Variants in GSTA5 observed in about 807,000 individuals in gnomAD.
GSTA5 encodes glutathione S-transferase A5.
Under a neutral mutation model 21.8 loss-of-function variants are expected in GSTA5, and 25 were observed. The ratio of observed to expected loss-of-function variants is 1.14; its 90% confidence interval spans 0.83 to 1.60. The LOEUF (loss-of-function observed/expected upper bound fraction) is 1.60. GSTA5 is among the 40% of genes most tolerant of loss of function. GSTA5 has a pLI of 0.00. For synonymous variants in GSTA5, 102 were observed against 89.5 expected (o/e 1.14, Z -0.78); for missense variants, 330 against 259.2 (o/e 1.27, Z -1.88).
At chr6:52,838,333 G>A (rs1158135737) in intron 1 of GSTA5, among the ~76,000 whole-genome samples, 1 of 152,204 alleles carries the variant, frequency 6.6e-6, no homozygotes. Context: ...GTCTGAGTAT[G>A]CTAATCTATG....
chr6:52,840,357 T>C (rs1385863949), intron 1 of GSTA5, among the ~76,000 whole-genome samples: 4 of 152,220 alleles, frequency 2.6e-5, no homozygotes, highest in Admixed American at 1.3e-4. Flanking sequence ...ACATAAACTG[T>C]TCTAAAGATA....
At position 52,837,705 on chromosome 6, in the gene GSTA5, A is replaced by G. The variant is rs987969833; in HGVS notation, c.88-96T>C. 3.4e-6 allele frequency: 3 copies of G among 889,542 alleles called. No homozygotes were observed. In the African/African-American group the frequency reaches 5.0e-5, roughly 15 times the overall value. 55.1% of individuals were successfully genotyped at this position (889,542 alleles called of 1,614,324 possible). ...CTATCTGGTGCATGATTTGGAGAAT[A>G]TAAGATTTCTGAGTTTCGCAGGATA... On this transcript the variant is annotated intron_variant, in intron 1 of 5. Transcript: ENST00000370989.
At chr6:52,840,606 A>T in intron 1 of GSTA5, 121 bp downstream of exon 1, 1 of 911,054 alleles carries the variant, frequency 1.1e-6, no homozygotes, top group Non-Finnish European at 1.7e-6. Flanking sequence ...TTTCTTAATT[A>T]CAGTCCATTT....
At chr6:52,845,026 A>G (rs1370093280), upstream of GSTA5, among the ~76,000 whole-genome samples, 1 of 152,092 alleles carries the variant, frequency 6.6e-6, no homozygotes, top group East Asian at 1.9e-4. Context: ...ATCTATCCAT[A>G]TCTCTAGATC....
chr6:52,832,727 A>C (rs1405854271), intron 5 of GSTA5, 132 bp downstream of exon 5: 2 of 1,447,614 alleles, frequency 1.4e-6, no homozygotes, highest in Non-Finnish European at 9.5e-7. Flanking sequence ...CTGGAAGCTC[A>C]TTTTGGAGAC....
chr6:52,840,258 C>T lies in GSTA5; in HGVS notation c.87+469G>A, dbSNP rs370651702. ...AAACCAATGTGAAGTTATATTTATG[C>T]CCACCTACTTCTCCTTTTGTAATAA... On this transcript the variant is annotated intron_variant, in intron 1 of 5. Coordinates refer to ENST00000370989, the Ensembl canonical transcript of GSTA5. Among the ~76,000 whole-genome samples, 5 of 152,250 alleles carry T rather than the reference C, an allele frequency of 3.3e-5. No homozygotes were observed. The East Asian group carries it at 9.6e-4, about 29-fold the overall frequency.
chr6:52,831,987 A>T lies in GSTA5; in HGVS notation c.547-17T>A, dbSNP rs1343630288. On this transcript the variant is annotated splice_polypyrimidine_tract_variant and intron_variant, in intron 5 of 5. Coordinates refer to ENST00000370989, the Ensembl canonical transcript of GSTA5. ...TTTCAGGGCCTGTAATCCACAAAGCACAGCCTCAGAGTGAAGCCAAGGCCG... is the reference window on the plus strand; with the variant it reads ...TTTCAGGGCCTGTAATCCACAAAGCTCAGCCTCAGAGTGAAGCCAAGGCCG... 1 of 1,608,758 alleles carries T rather than the reference A, an allele frequency of 6.2e-7. No individual in the cohort carries two copies.
chr6:52,845,155 A>G (rs1233073072), upstream of GSTA5, among the ~76,000 whole-genome samples: 14 of 152,102 alleles, frequency 9.2e-5, no homozygotes, highest in Non-Finnish European at 1.6e-4. Flanking sequence ...GCTTCTGTAC[A>G]GAGGTTAATG....
chr6:52,837,227 C>T (rs1318706549), intron 2 of GSTA5, among the ~76,000 whole-genome samples: 7 of 152,180 alleles, frequency 4.6e-5, no homozygotes, highest in South Asian at 2.1e-4. Context: ...CATGTTCTTG[C>T]GTGTGCTTGG....
chr6:52,838,299 G>A (rs554030079), intron 1 of GSTA5, among the ~76,000 whole-genome samples: 4 of 152,282 alleles, frequency 2.6e-5, no homozygotes, highest in African/African-American at 9.6e-5. Flanking sequence ...TCTTGACTTT[G>A]GACATGTTAC....
At chr6:52,833,619 A>C (rs972532736) in intron 4 of GSTA5, among the ~76,000 whole-genome samples, 2 of 152,282 alleles carry the variant, frequency 1.3e-5, no homozygotes, top group African/African-American at 4.8e-5. Flanking sequence ...GATGTCTGCA[A>C]CTTACTATAA....
chr6:52,837,159 C>T (rs1764304671), intron 2 of GSTA5, among the ~76,000 whole-genome samples: 1 of 152,188 alleles, frequency 6.6e-6, no homozygotes, highest in South Asian at 2.1e-4. Flanking sequence ...CACGCCCCCC[C>T]ATGAAAGAAA....
exon 6 of GSTA5, chr6:52,831,951 C>G (rs754307601): frequency 1.1e-5 from 17 of 1,613,354 alleles, no homozygotes; most frequent in Non-Finnish European, 1.4e-5. Context: ...GGGCAGGTTG[C>G]TGATTCTGGT....
exon 1 of GSTA5, chr6:52,840,748 G>T (rs1351189097): frequency 1.9e-6 from 3 of 1,614,064 alleles, no homozygotes; most frequent in Non-Finnish European, 2.5e-6. Context: ...CTGCAGCCAG[G>T]AGCCACCGAA....
In GSTA5 at chr6:52,831,947, G is replaced by A. The variant is rs147390602; in HGVS notation, c.570C>T (p.Asn190=). Reference sequence around the variant, plus strand: ...GCAGAAACTTCTTCACCGTGGGCAGGTTGCTGATTCTGGTTTTCAGGGCCT... The same window carrying A: ...GCAGAAACTTCTTCACCGTGGGCAGATTGCTGATTCTGGTTTTCAGGGCCT... The change falls in exon 6 of 6, where the codon AAC becomes AAT. Residue 190 remains asparagine, a synonymous_variant. Coordinates refer to ENST00000370989, the Ensembl canonical transcript of GSTA5. The A allele has an allele frequency of 1.6e-5, 26 of 1,613,358 alleles. No individual in the cohort carries two copies. In the African/African-American group the frequency reaches 2.3e-4, roughly 14 times the overall value.
chr6:52,835,774 T>C (rs920479107), intron 3 of GSTA5, among the ~76,000 whole-genome samples: 20 of 152,156 alleles, frequency 1.3e-4, no homozygotes, highest in Non-Finnish European at 1.2e-4. Context: ...GCCCATATAA[T>C]TGGTTGGTAA....
At chr6:52,836,475 A>G in intron 2 of GSTA5, 107 bp from the exon 3 acceptor site, 9 of 1,160,412 alleles carry the variant, frequency 7.8e-6, no homozygotes, top group Non-Finnish European at 1.1e-5. Context: ...TGAAAAAGAA[A>G]TTATTGCCTG....
chr6:52,840,708 G>A lies in GSTA5; in HGVS notation c.87+19C>T. On this transcript the variant is annotated intron_variant, in intron 1 of 5. Coordinates refer to ENST00000370989, the Ensembl canonical transcript of GSTA5. The stretch of plus-strand genomic sequence containing the variant: ...CGCAATTTTAAATCCAACTTAAGAT[G>A]ACCTTACTCAGAACCTACCTCTACT... 6.2e-7 allele frequency: 1 copy of A among 1,606,024 alleles called. No individual in the cohort carries two copies. The highest frequency in any genetic ancestry group is 8.5e-7 in the Non-Finnish European group (1 of 1,173,214).
intron 2 of GSTA5, among the ~76,000 whole-genome samples, chr6:52,837,321 C>G (rs1472434018): frequency 6.6e-6 from 1 of 152,174 alleles, no homozygotes; most frequent in Non-Finnish European, 1.5e-5. Flanking sequence ...AAAGGGCTTT[C>G]CCCGGGGGCG....
Sources: gnomAD v4.1 joint callset for allele counts (sites outside exome capture counted in the v4.1 genomes callset) on GRCh38, gnomAD v4.1.1 for gene constraint, MANE v1.5 for transcripts, NCBI Gene and HGNC (gene_info 2026-07-23, HGNC 2026-07-21) for gene names.